The following RAP1A variants were observed in gnomAD, a reference collection of about 807,000 sequenced individuals.
RAP1A encodes the protein RAP1A, member of RAS oncogene family, also known as ras-related protein Rap-1A.
A neutral mutation model predicts 26.4 loss-of-function variants in RAP1A; 6 were observed. That is an observed-to-expected ratio of 0.23 (90% confidence interval 0.12 to 0.45). The LOEUF is 0.45. Among genes scored for constraint, RAP1A ranks in the 20% least tolerant of loss-of-function variants. The probability of loss-of-function intolerance (pLI) is 0.99; values close to 1 mark genes in which losing one functional copy is unlikely to be tolerated. For missense variants in RAP1A, 121 were observed against 217.2 expected (o/e 0.56, Z 2.78); for synonymous variants, 73 against 79.4 (o/e 0.92, Z 0.43).
At chr1:111,649,201 C>G in intron 1 of RAP1A, 1 of 509,700 alleles carries the variant, frequency 2.0e-6, no homozygotes, top group Non-Finnish European at 3.9e-6. Context: ...AAGTAATGGC[C>G]CCAGTCCCTG....
intron 1 of RAP1A, among the ~76,000 whole-genome samples, chr1:111,682,078 C>T (rs1661314111): frequency 6.6e-6 from 1 of 152,166 alleles, no homozygotes; most frequent in Non-Finnish European, 1.5e-5. Context: ...CCCAGAATTT[C>T]ATATCCAGCC....
intron 4 of RAP1A, among the ~76,000 whole-genome samples, chr1:111,699,987 A>T (rs1461358566): frequency 2.0e-5 from 3 of 152,080 alleles, no homozygotes; most frequent in Admixed American, 6.5e-5. Context: ...ACCTTTATTC[A>T]TTTGGCTTCC....
chr1:111,632,921 C>CAAAAAA (rs59053038), intron 1 of RAP1A, among the ~76,000 whole-genome samples: 1 of 68,782 alleles, frequency 1.5e-5, no homozygotes, highest in African/African-American at 5.9e-5. Context: ...AACTTGGTCT[C>CAAAAAA]AAAAAAAAAA....
intron 1 of RAP1A, among the ~76,000 whole-genome samples, chr1:111,666,021 G>T (rs1181392592): frequency 6.6e-6 from 1 of 152,142 alleles, no homozygotes; most frequent in Non-Finnish European, 1.5e-5. Context: ...AGAGAAGATG[G>T]CTCAATCTGA....
At chr1:111,693,824 G>A (rs992698516) in intron 2 of RAP1A, among the ~76,000 whole-genome samples, 1 of 151,768 alleles carries the variant, frequency 6.6e-6, no homozygotes, top group African/African-American at 2.4e-5. Flanking sequence ...ACCTTAGGGA[G>A]CCTCTGCCTT....
intron 1 of RAP1A, among the ~76,000 whole-genome samples, chr1:111,660,041 A>G (rs1286231775): frequency 1.3e-5 from 2 of 152,194 alleles, no homozygotes; most frequent in Non-Finnish European, 2.9e-5. Context: ...AAAGTTTCTG[A>G]CCTAAGTAGT....
intron 1 of RAP1A, among the ~76,000 whole-genome samples, chr1:111,620,153 C>T (rs113172457): frequency 0.13 from 19,737 of 152,196 alleles, 1,610 homozygotes; most frequent in South Asian, 0.17. Flanking sequence ...GAGCCAACCA[C>T]GCCCGCGGAC....
At chr1:111,681,263 G>T (rs1045898472) in intron 1 of RAP1A, among the ~76,000 whole-genome samples, 2 of 152,146 alleles carry the variant, frequency 1.3e-5, no homozygotes, top group Non-Finnish European at 2.9e-5. Context: ...AAAAAATGCT[G>T]AAAATTCCGA....
intron 5 of RAP1A, among the ~76,000 whole-genome samples, 192 bp from the exon 6 acceptor site, chr1:111,704,148 ATTT>A (rs71078091): frequency 1.1e-3 from 148 of 136,878 alleles, no homozygotes; most frequent in African/African-American, 3.7e-3. Context: ...GATCTCTTCC[ATTT>A]TTTTTTTTTT....
chr1:111,615,572 C>T (rs145338212), upstream of RAP1A, among the ~76,000 whole-genome samples: 2,126 of 152,206 alleles, frequency 0.014, 28 homozygotes, highest in Non-Finnish European at 0.018. Context: ...GTGGCTCACG[C>T]CTGTAATCCC....
chr1:111,553,735 C>T (rs929896891), intron 1 of RAP1A, among the ~76,000 whole-genome samples: 2 of 152,288 alleles, frequency 1.3e-5, no homozygotes, highest in Non-Finnish European at 2.9e-5. Context: ...TGACATTAGG[C>T]TCAAATTCCA....
intron 1 of RAP1A, among the ~76,000 whole-genome samples, chr1:111,652,170 C>T (rs905761404): frequency 3.3e-5 from 5 of 152,004 alleles, no homozygotes; most frequent in African/African-American, 7.2e-5. Flanking sequence ...GACCAGGTTT[C>T]GCCATATTGG....
chr1:111,706,982 A>G (rs540110266), intron 6 of RAP1A, among the ~76,000 whole-genome samples: 15 of 152,356 alleles, frequency 9.8e-5, no homozygotes, highest in South Asian at 4.1e-4. Flanking sequence ...GAACTAATGA[A>G]AACTCATTTG....
Position 111,557,300 on chromosome 1 carries a change from G to A in RAP1A, c.-28+14791G>A, listed in dbSNP as rs148975310. Among the ~76,000 whole-genome samples, 389 of 152,252 alleles carry A rather than the reference G, an allele frequency of 2.6e-3. 8 individuals carry two copies. In the East Asian group the frequency reaches 0.045, roughly 18 times the overall value. The stretch of plus-strand genomic sequence containing the variant: ...GTGGTGGCTCACGCCTGTAATCCTA[G>A]CACTTTGGGAGTCCGAGACAGGCAG... On this transcript the variant is annotated intron_variant, in intron 1 of 7. Transcript: ENST00000356415.
chr1:111,705,617 A>G (rs1304185702), intron 6 of RAP1A, among the ~76,000 whole-genome samples: 2 of 152,208 alleles, frequency 1.3e-5, no homozygotes, highest in African/African-American at 4.8e-5. Context: ...TATTCAGCAA[A>G]TATTTATTGA....
At chr1:111,577,638 T>A (rs765167853) in intron 1 of RAP1A, among the ~76,000 whole-genome samples, 9 of 152,082 alleles carry the variant, frequency 5.9e-5, no homozygotes, top group Non-Finnish European at 1.0e-4. Context: ...TTTTGGAGGT[T>A]TGCTAGCTGT....
chr1:111,566,995 G>A (rs1034747867), intron 1 of RAP1A, among the ~76,000 whole-genome samples: 3 of 151,966 alleles, frequency 2.0e-5, no homozygotes, highest in Admixed American at 6.6e-5. Context: ...AGCTTCATTA[G>A]CGTCATGGTA....
chr1:111,555,049 G>A lies in RAP1A; in HGVS notation c.-28+12540G>A, dbSNP rs1434034087. On this transcript the variant is annotated intron_variant, in intron 1 of 7. Transcript: ENST00000356415. Reference sequence around the variant, plus strand: ...GTAAGAGAACTAATTGAAAACAGGAGAAAAGAAAAAGAGGCTATCAAAAAT... The same window carrying A: ...GTAAGAGAACTAATTGAAAACAGGAAAAAAGAAAAAGAGGCTATCAAAAAT... Among the ~76,000 whole-genome samples, 6 of 151,898 alleles carry A rather than the reference G, an allele frequency of 4.0e-5. No homozygotes were observed. The East Asian group carries it at 1.2e-3, about 29-fold the overall frequency.
chr1:111,701,172 C>T (rs990086019), intron 4 of RAP1A, among the ~76,000 whole-genome samples: 3 of 152,208 alleles, frequency 2.0e-5, no homozygotes, highest in Non-Finnish European at 4.4e-5. Flanking sequence ...TTTGTCCCTT[C>T]TCTGGCCCCC....
Sources: allele counts gnomAD v4.1 joint callset (sites outside exome capture counted in the v4.1 genomes callset), GRCh38; gene constraint gnomAD v4.1.1; transcripts MANE v1.5; gene names NCBI Gene and HGNC (gene_info 2026-07-23, HGNC 2026-07-21).